MAML2: variants seen among roughly 807,000 people sequenced by gnomAD.
MAML2 encodes the protein mastermind-like protein 2.
A neutral mutation model predicts 96.1 loss-of-function variants in MAML2; 22 were observed. The ratio of observed to expected loss-of-function variants is 0.23; its 90% CI spans 0.16 to 0.33. The LOEUF is 0.33. Among genes scored for constraint, MAML2 ranks in the 10% least tolerant of loss-of-function variants. The pLI is 1.00. For missense variants in MAML2, 1,367 were observed against 1,392.4 expected (o/e 0.98, Z 0.29); for synonymous variants, 561 against 521.3 (o/e 1.08, Z -1.04).
At chr11:96,339,332 T>C (rs1863959682) in intron 1 of MAML2, among the ~76,000 whole-genome samples, 1 of 152,094 alleles carries the variant, frequency 6.6e-6, no homozygotes, top group Non-Finnish European at 1.5e-5. Context: ...CCAGCATGGG[T>C]ATTGCTACTG....
At chr11:96,245,845 C>G (rs1445324187) in intron 1 of MAML2, among the ~76,000 whole-genome samples, 1 of 151,832 alleles carries the variant, frequency 6.6e-6, no homozygotes, top group Non-Finnish European at 1.5e-5. Context: ...GCTGGGATTA[C>G]AGGTGTGCGC....
rs774951244 is a variant in MAML2, at chr11:95,985,629, G to A, written c.2357C>T (p.Pro786Leu). ...CAAATGTCGGTTTATCTGATCTTGT[G>A]GAGCAATTTTCTCCTTGAGAAATGA... is the stretch of plus-strand genomic sequence containing the variant. The part of the protein sequence containing the change: ...QMLADAEKIA[P>L]QDQINRHLSR... Residue 786 changes from proline (P) to leucine (L), a missense_variant, in exon 4 of 5, where the codon CCA (proline) becomes CTA (leucine). Pro to Leu is a moderately conservative substitution (Grantham distance 98). Transcript: ENST00000524717. The A allele has an allele frequency of 1.9e-6, 3 of 1,606,766 alleles. No individual in the cohort carries two copies. In the South Asian group the frequency reaches 3.3e-5, roughly 18 times the overall value.
At chr11:96,155,536 A>T (rs1411613702) in intron 1 of MAML2, among the ~76,000 whole-genome samples, 1 of 123,352 alleles carries the variant, frequency 8.1e-6, no homozygotes, top group Non-Finnish European at 1.7e-5. Flanking sequence ...ATATATATAT[A>T]TATATATATA....
At chr11:96,246,806 T>A (rs1862518356) in intron 1 of MAML2, among the ~76,000 whole-genome samples, 1 of 152,140 alleles carries the variant, frequency 6.6e-6, no homozygotes, top group Non-Finnish European at 1.5e-5. Context: ...TGAGGTTGGC[T>A]CTGAGGAAAC....
intron 1 of MAML2, among the ~76,000 whole-genome samples, chr11:96,319,195 T>A (rs2136009713): frequency 6.6e-6 from 1 of 152,236 alleles, no homozygotes; most frequent in East Asian, 1.9e-4. Context: ...AGTGAGGAAT[T>A]GAGATTTTCT....
At chr11:96,072,726 C>A (rs2135789679) in intron 2 of MAML2, among the ~76,000 whole-genome samples, 1 of 152,260 alleles carries the variant, frequency 6.6e-6, no homozygotes, top group Non-Finnish European at 1.5e-5. Flanking sequence ...CAAAGTGAAC[C>A]CTGGATGGGA....
intron 1 of MAML2, among the ~76,000 whole-genome samples, chr11:96,234,054 A>G (rs2135956727): frequency 6.6e-6 from 1 of 152,302 alleles, no homozygotes; most frequent in East Asian, 1.9e-4. Context: ...GGCAAAAACA[A>G]TATACTTCCT....
intron 1 of MAML2, among the ~76,000 whole-genome samples, chr11:96,168,471 G>A (rs1043351551): frequency 2.0e-5 from 3 of 152,120 alleles, no homozygotes; most frequent in Non-Finnish European, 1.5e-5. Context: ...GTGGCTCTCA[G>A]GCTTTAGTGT....
intron 2 of MAML2, among the ~76,000 whole-genome samples, chr11:96,013,041 C>G (rs1331992178): frequency 6.6e-6 from 1 of 152,276 alleles, no homozygotes; most frequent in Admixed American, 6.5e-5. Context: ...TTTATTTTCT[C>G]TCTTTCAACA....
At chr11:96,041,975 ATTT>A (rs549945518) in intron 2 of MAML2, among the ~76,000 whole-genome samples, 1,363 of 121,742 alleles carry the variant, frequency 0.011, 13 homozygotes, top group Middle Eastern at 0.019. Flanking sequence ...CGCCCGGCTA[ATTT>A]TTTTTTTTTT....
chr11:96,157,458 C>T (rs143901178), intron 1 of MAML2, among the ~76,000 whole-genome samples: 24 of 152,386 alleles, frequency 1.6e-4, no homozygotes, highest in Admixed American at 2.0e-4. Context: ...TATGGAACGT[C>T]ATGGGACTTT....
intron 3 of MAML2, among the ~76,000 whole-genome samples, chr11:95,988,354 G>A (rs1857860987): frequency 6.6e-6 from 1 of 151,472 alleles, no homozygotes; most frequent in South Asian, 2.1e-4. Context: ...TGCCTCCCAG[G>A]TTCAAGCGAT....
At chr11:96,245,485 T>C (rs554348307) in intron 1 of MAML2, among the ~76,000 whole-genome samples, 3 of 152,274 alleles carry the variant, frequency 2.0e-5, no homozygotes, top group African/African-American at 7.2e-5. Context: ...TAAATGAATT[T>C]GTAGATTTCT....
intron 2 of MAML2, 53 bp from the exon 3 acceptor site, chr11:95,991,776 A>C: frequency 7.2e-7 from 1 of 1,383,874 alleles, no homozygotes; most frequent in Non-Finnish European, 1.0e-6. Context: ...AAAAAGAAAA[A>C]TGTAGCACAA....
chr11:96,178,169 A>C (rs1861420866), intron 1 of MAML2, among the ~76,000 whole-genome samples: 1 of 151,710 alleles, frequency 6.6e-6, no homozygotes, highest in South Asian at 2.1e-4. Flanking sequence ...ATTAAAAGTG[A>C]TTAGAAAAAC....
At chr11:96,270,071 C>G (rs1862893881) in intron 1 of MAML2, among the ~76,000 whole-genome samples, 1 of 144,090 alleles carries the variant, frequency 6.9e-6, no homozygotes, top group African/African-American at 2.7e-5. Context: ...ATGGCTAAGA[C>G]TTGACATCCA....
intron 1 of MAML2, among the ~76,000 whole-genome samples, chr11:96,252,278 T>C (rs1286221700): frequency 1.3e-5 from 2 of 152,104 alleles, no homozygotes; most frequent in African/African-American, 4.8e-5. Flanking sequence ...TTTGCTGAGT[T>C]CTCTATATAA....
intron 1 of MAML2, among the ~76,000 whole-genome samples, chr11:96,316,872 CA>C (rs1221233935): frequency 6.6e-6 from 1 of 151,896 alleles, no homozygotes; most frequent in East Asian, 1.9e-4. Flanking sequence ...ACAGGGGATT[CA>C]AGCTATGCTT....
intron 1 of MAML2, among the ~76,000 whole-genome samples, chr11:96,303,787 G>A (rs572082606): frequency 9.2e-5 from 14 of 152,256 alleles, no homozygotes; most frequent in South Asian, 4.1e-4. Context: ...TACACCTGGC[G>A]CCCACAAAAG....
Sources: gnomAD v4.1 joint callset for allele counts (sites outside exome capture counted in the v4.1 genomes callset) on GRCh38, gnomAD v4.1.1 for gene constraint, MANE v1.5 for transcripts, NCBI Gene and HGNC (gene_info 2026-07-23, HGNC 2026-07-21) for gene names.